Variants in AFG2A observed in about 807,000 individuals in gnomAD.
AFG2A encodes ATPase family gene 2 protein homolog A.
At chr4:123,096,312 C>G in the AFG2A span, among the ~76,000 whole-genome samples, 1 of 151,134 alleles carries the variant, frequency 6.6e-6, no homozygotes. Flanking sequence ...GGCTCATTGT[C>G]TTTAGATTGA....
chr4:123,024,755 C>T, the AFG2A span, among the ~76,000 whole-genome samples: 2 of 152,168 alleles, frequency 1.3e-5, no homozygotes, highest in Non-Finnish European at 2.9e-5. Flanking sequence ...TTGATGTCAT[C>T]GAGCACCCCG....
chr4:123,313,162 C>G, the AFG2A span, among the ~76,000 whole-genome samples: 10 of 152,268 alleles, frequency 6.6e-5, no homozygotes, highest in East Asian at 1.9e-3. Context: ...ATTCTTGAAC[C>G]TTCCTCCCCT....
the AFG2A span, among the ~76,000 whole-genome samples, chr4:123,153,983 GA>G: frequency 1.3e-5 from 2 of 152,278 alleles, no homozygotes; most frequent in Non-Finnish European, 2.9e-5. Flanking sequence ...CTTAACATAT[GA>G]AAGTGTAGTA....
the AFG2A span, among the ~76,000 whole-genome samples, chr4:123,219,899 C>T: frequency 1.1e-4 from 16 of 150,642 alleles, no homozygotes; most frequent in East Asian, 2.9e-3. Flanking sequence ...GACAGAGTTT[C>T]GCTCTTGTTG....
chr4:123,089,759 A>AT, the AFG2A span, among the ~76,000 whole-genome samples: 8 of 151,324 alleles, frequency 5.3e-5, no homozygotes, highest in East Asian at 3.9e-4. Flanking sequence ...TAATTTTTTT[A>AT]TTTTTTTTAG....
chr4:123,122,167 G>C, the AFG2A span, among the ~76,000 whole-genome samples: 3 of 152,226 alleles, frequency 2.0e-5, no homozygotes, highest in East Asian at 5.8e-4. Context: ...TAGATAATCA[G>C]TTATGTTGAT....
At chr4:122,957,887 C>G in the AFG2A span, among the ~76,000 whole-genome samples, 1 of 151,928 alleles carries the variant, frequency 6.6e-6, no homozygotes, top group Admixed American at 6.6e-5. Flanking sequence ...ATATTAATGA[C>G]TTCTGGTATA....
the AFG2A span, among the ~76,000 whole-genome samples, chr4:123,026,311 T>C: frequency 1.3e-5 from 2 of 152,132 alleles, no homozygotes; most frequent in African/African-American, 4.8e-5. Flanking sequence ...ACTACAAAGC[T>C]TAAGTGGCCA....
chr4:123,100,799 A>C, the AFG2A span, among the ~76,000 whole-genome samples: 1 of 151,914 alleles, frequency 6.6e-6, no homozygotes, highest in Admixed American at 6.6e-5. Flanking sequence ...AATTTGATTT[A>C]AGTTTCAGCA....
At chr4:123,011,711 G>A in the AFG2A span, among the ~76,000 whole-genome samples, 1 of 152,204 alleles carries the variant, frequency 6.6e-6, no homozygotes, top group Non-Finnish European at 1.5e-5. Context: ...TAGATCAGGT[G>A]TGAGCTGAAG....
the AFG2A span, among the ~76,000 whole-genome samples, chr4:122,998,500 C>T: frequency 6.6e-6 from 1 of 151,332 alleles, no homozygotes; most frequent in African/African-American, 2.4e-5. Flanking sequence ...TGTGATGTTC[C>T]CCTTCCTGTG....
At chr4:123,291,999 C>A in the AFG2A span, among the ~76,000 whole-genome samples, 1 of 152,122 alleles carries the variant, frequency 6.6e-6, no homozygotes, top group African/African-American at 2.4e-5. Flanking sequence ...CTCAGGAACA[C>A]TTATGATTCT....
At chr4:123,120,849 C>A in the AFG2A span, among the ~76,000 whole-genome samples, 1 of 151,956 alleles carries the variant, frequency 6.6e-6, no homozygotes, top group Non-Finnish European at 1.5e-5. Flanking sequence ...TATGTATTAC[C>A]TATACTATAC....
At chr4:123,240,089 A>G in the AFG2A span, among the ~76,000 whole-genome samples, 2 of 152,222 alleles carry the variant, frequency 1.3e-5, no homozygotes, top group Non-Finnish European at 2.9e-5. Context: ...GAAGGTCATT[A>G]CATAATGGTA....
the AFG2A span, among the ~76,000 whole-genome samples, chr4:123,008,574 C>A: frequency 6.6e-6 from 1 of 152,200 alleles, no homozygotes; most frequent in Non-Finnish European, 1.5e-5. Context: ...AGGACATATT[C>A]ACATGTCCCG....
At chr4:122,944,309 A>G in the AFG2A span, among the ~76,000 whole-genome samples, 5 of 151,752 alleles carry the variant, frequency 3.3e-5, no homozygotes, top group East Asian at 5.8e-4. Flanking sequence ...ACATAGTCCC[A>G]TATTTCTTGG....
At chr4:123,075,521 A>G in the AFG2A span, among the ~76,000 whole-genome samples, 1 of 151,938 alleles carries the variant, frequency 6.6e-6, no homozygotes, top group African/African-American at 2.4e-5. Context: ...CCTGGTCTCA[A>G]ACTCCTGACC....
the AFG2A span, among the ~76,000 whole-genome samples, chr4:123,080,183 A>G: frequency 1.3e-5 from 2 of 152,194 alleles, no homozygotes; most frequent in African/African-American, 4.8e-5. Context: ...TTTGGGAGAT[A>G]ATTAGGTTTA....
chr4:123,015,718 T>A, the AFG2A span, among the ~76,000 whole-genome samples: 1 of 150,694 alleles, frequency 6.6e-6, no homozygotes, highest in Non-Finnish European at 1.5e-5. Context: ...CCAGATGGGG[T>A]GGTGGCTGGG....
Sources: gnomAD v4.1 joint callset for allele counts (sites outside exome capture counted in the v4.1 genomes callset) on GRCh38, gnomAD v4.1.1 for gene constraint, MANE v1.5 for transcripts, NCBI Gene and HGNC (gene_info 2026-07-23, HGNC 2026-07-21) for gene names.